FKBP6: variants seen among roughly 807,000 people sequenced by gnomAD.
FKBP6 encodes the protein FKBP prolyl isomerase family member 6 (inactive).
A neutral mutation model predicts 41.7 loss-of-function variants in FKBP6; 29 were observed. The ratio of observed to expected loss-of-function variants is 0.70; its 90% CI spans 0.52 to 0.95. FKBP6 has a LOEUF of 0.95. Ranked by LOEUF, FKBP6 falls within the 40% of genes least tolerant of loss-of-function variation. The pLI is 0.00. For missense variants in FKBP6, 338 were observed against 408.7 expected (o/e 0.83, Z 1.49); for synonymous variants, 130 against 165.1 (o/e 0.79, Z 1.63).
intron 8 of FKBP6, among the ~76,000 whole-genome samples, chr7:73,343,884 C>T (rs1365473409): frequency 6.6e-6 from 1 of 152,334 alleles, no homozygotes; most frequent in Middle Eastern, 3.4e-3. Context: ...TTGCTTCCTC[C>T]ATCTCCCTAC....
At chr7:73,336,277 C>T (rs782393853) in intron 5 of FKBP6, among the ~76,000 whole-genome samples, 10 of 152,056 alleles carry the variant, frequency 6.6e-5, no homozygotes, top group Admixed American at 1.3e-4. Flanking sequence ...CATAAATTCT[C>T]GGCAGGAAAA....
chr7:73,329,035 AC>A (rs1804738408), intron 2 of FKBP6, among the ~76,000 whole-genome samples: 3 of 151,980 alleles, frequency 2.0e-5, no homozygotes, highest in Non-Finnish European at 4.4e-5. Context: ...AGACTCCTGG[AC>A]CCAAGTGAGC....
At chr7:73,330,444 G>A in intron 4 of FKBP6, 92 bp downstream of exon 4, 2 of 988,746 alleles carry the variant, frequency 2.0e-6, no homozygotes, top group Non-Finnish European at 1.6e-6. Flanking sequence ...CCCTGAGGCT[G>A]ATCGTCCTCT....
chr7:73,344,610 G>C (rs114686997), intron 8 of FKBP6, among the ~76,000 whole-genome samples: 2,569 of 149,970 alleles, frequency 0.017, 65 homozygotes, highest in African/African-American at 0.059. Context: ...TTTTTTTAAG[G>C]GTCTCCCTCT....
At chr7:73,341,636 C>T (rs1583812585) in intron 7 of FKBP6, among the ~76,000 whole-genome samples, 1 of 40,226 alleles carries the variant, frequency 2.5e-5, no homozygotes, top group Admixed American at 2.2e-4. Context: ...CGCAAATAAA[C>T]AACCCCTAGA....
intron 5 of FKBP6, among the ~76,000 whole-genome samples, chr7:73,332,761 A>G (rs1337649635): frequency 6.6e-6 from 1 of 152,174 alleles, no homozygotes; most frequent in Non-Finnish European, 1.5e-5. Flanking sequence ...AATTCAGTTT[A>G]TTAACTTTTA....
chr7:73,336,498 A>C (rs1554548571), intron 5 of FKBP6, among the ~76,000 whole-genome samples: 1 of 152,184 alleles, frequency 6.6e-6, no homozygotes, highest in Admixed American at 6.5e-5. Flanking sequence ...TTCGGGGAAG[A>C]GGCAGTAGTT....
At chr7:73,332,652 C>G (rs941268404) in intron 5 of FKBP6, among the ~76,000 whole-genome samples, 1 of 152,088 alleles carries the variant, frequency 6.6e-6, no homozygotes, top group African/African-American at 2.4e-5. Flanking sequence ...TGACGTGGTT[C>G]TTGGGTACAT....
chr7:73,352,215 C>T (rs1208227867), intron 8 of FKBP6, among the ~76,000 whole-genome samples: 1 of 152,206 alleles, frequency 6.6e-6, no homozygotes, highest in African/African-American at 2.4e-5. Context: ...CCTCCTGCCT[C>T]GGCCTCCCAG....
Position 73,340,732 on chromosome 7 carries a change from C to T in FKBP6, c.683C>T (p.Thr228Ile). The T allele has an allele frequency of 6.2e-7, 1 of 1,613,970 alleles. No homozygotes were observed. Among genetic ancestry groups the T allele is most frequent in the Non-Finnish European group, 8.5e-7 (1 of 1,179,962 alleles). The change falls in exon 6 of 9, where the codon ACA becomes ATA. Residue 228 changes from threonine to isoleucine, a missense_variant. Thr to Ile is a moderately conservative substitution (Grantham distance 89). This residue lies in a region of FKBP6 where 239 missense variants were observed against 250.1 expected (regional missense o/e 0.96). Coordinates refer to ENST00000252037, the MANE Select transcript of FKBP6 (RefSeq NM_003602.5). The part of the protein sequence containing the change: ...KLPVLLNLSF[T>I]YLKLDRPTIA... ...CCTGTTCTCCTGAACCTGTCCTTTA[C>T]ATACCTGAAGCTAGACCGACCCACC... is the stretch of plus-strand genomic sequence containing the variant.
intron 8 of FKBP6, among the ~76,000 whole-genome samples, chr7:73,354,754 T>G (rs1335256751): frequency 6.6e-6 from 1 of 152,162 alleles, no homozygotes; most frequent in African/African-American, 2.4e-5. Context: ...CTTTGATCAG[T>G]GTTTTTGAAG....
intron 3 of FKBP6, 43 bp from the exon 4 acceptor site, chr7:73,330,107 A>T: frequency 2.1e-6 from 3 of 1,461,050 alleles, no homozygotes; most frequent in Non-Finnish European, 2.9e-6. Context: ...ACTGAGCAGG[A>T]TACTGAGCAA....
intron 3 of FKBP6, 31 bp from the exon 4 acceptor site, chr7:73,330,119 C>T (rs1554547367): frequency 1.3e-6 from 2 of 1,564,722 alleles, no homozygotes; most frequent in Non-Finnish European, 1.8e-6. Flanking sequence ...ACTGAGCAAG[C>T]TTCACCCACC....
At chr7:73,343,361 T>C (rs782096800) in intron 8 of FKBP6, among the ~76,000 whole-genome samples, 1 of 152,118 alleles carries the variant, frequency 6.6e-6, no homozygotes, top group Non-Finnish European at 1.5e-5. Context: ...TCATGTTTTA[T>C]GTGAAACTCT....
Position 73,330,131 on chromosome 7 carries a change from T to G in FKBP6, c.266-19T>G. 6.2e-7 allele frequency: 1 copy of G among 1,603,012 alleles called. No homozygotes were observed. The highest frequency in any genetic ancestry group is 1.1e-5 in the South Asian group (1 of 90,830). On this transcript the variant is annotated intron_variant, in intron 3 of 8. Coordinates refer to ENST00000252037, the MANE Select transcript of FKBP6 (RefSeq NM_003602.5). Reference sequence around the variant, plus strand: ...GATACTGAGCAAGCTTCACCCACCTTCTTTGTCCATTCTTACAGATATTAC... The same window carrying G: ...GATACTGAGCAAGCTTCACCCACCTGCTTTGTCCATTCTTACAGATATTAC...
At chr7:73,346,377 C>T (rs530076991) in intron 8 of FKBP6, among the ~76,000 whole-genome samples, 2 of 152,246 alleles carry the variant, frequency 1.3e-5, no homozygotes, top group Admixed American at 6.5e-5. Flanking sequence ...GATTGGGGGT[C>T]TAAACAGGGA....
chr7:73,337,782 A>G (rs568466660), intron 5 of FKBP6, among the ~76,000 whole-genome samples: 456 of 152,190 alleles, frequency 3.0e-3, no homozygotes, highest in Middle Eastern at 6.8e-3. Context: ...GGTTTTTAGT[A>G]TATTCACAAA....
rs140122198 is a variant in FKBP6 at position 73,342,914 on chromosome 7, A to G, written c.*2+15A>G. The G allele has an allele frequency of 2.6e-4, 413 of 1,573,388 alleles. 2 individuals carry two copies. The African/African-American group carries it at 5.2e-3, about 20-fold the overall frequency. ...GAAAGTTGAAGGTAATCAAAGGGCC[A>G]GGGTGGCACACAGGCTTCCGGATGG... On this transcript the variant is annotated intron_variant, in intron 8 of 8. Coordinates refer to ENST00000252037, the MANE Select transcript of FKBP6 (RefSeq NM_003602.5).
chr7:73,333,570 T>G (rs1804914346), intron 5 of FKBP6, among the ~76,000 whole-genome samples: 1 of 152,140 alleles, frequency 6.6e-6, no homozygotes. Flanking sequence ...CCCTCCCTCC[T>G]TCCCACCCAG....
Sources: gnomAD v4.1 joint callset for allele counts (sites outside exome capture counted in the v4.1 genomes callset) on GRCh38, gnomAD v4.1.1 for gene constraint, gnomAD v4.1.1 regional missense constraint, MANE v1.5 for transcripts, NCBI Gene and HGNC (gene_info 2026-07-23, HGNC 2026-07-21) for gene names.